Variants in FBXL17 observed in about 807,000 individuals in gnomAD.
FBXL17 encodes the protein F-box and leucine rich repeat protein 17, also known as F-box/LRR-repeat protein 17.
A neutral mutation model predicts 66.2 loss-of-function variants in FBXL17; 22 were observed. The observed-to-expected ratio is 0.33, with a 90% CI of 0.24 to 0.47. The LOEUF is 0.47. FBXL17 is among the 20% of genes least tolerant of loss of function. The pLI is 1.00. For synonymous variants in FBXL17, 474 were observed against 400.5 expected (o/e 1.18, Z -2.19); for missense variants, 878 against 948.2 (o/e 0.93, Z 0.97).
chr5:107,916,524 A>G lies in FBXL17; in HGVS notation c.1823-35345T>C, dbSNP rs138918472. 4.9e-3 allele frequency among the ~76,000 whole-genome samples: 743 copies of G among 152,368 alleles called. 3 individuals carry two copies. The highest frequency in any genetic ancestry group is 7.0e-3 in the Non-Finnish European group (476 of 68,028). On this transcript the variant is annotated intron_variant, in intron 7 of 8. Transcript: ENST00000542267. ...AACTAAATAAAGGTATTTGGAATATACAATTTCAGAAAAGGCTGTTCTTTC... is the reference window on the plus strand; with the variant it reads ...AACTAAATAAAGGTATTTGGAATATGCAATTTCAGAAAAGGCTGTTCTTTC...
intron 7 of FBXL17, among the ~76,000 whole-genome samples, chr5:107,982,174 T>C (rs1253285766): frequency 1.3e-5 from 2 of 152,174 alleles, no homozygotes; most frequent in African/African-American, 4.8e-5. Context: ...TACTCTCCAC[T>C]TAAAGTAAAA....
intron 5 of FBXL17, among the ~76,000 whole-genome samples, chr5:108,196,307 T>C (rs988170348): frequency 6.6e-6 from 1 of 152,058 alleles, no homozygotes; most frequent in African/African-American, 2.4e-5. Context: ...ATTCATTTCC[T>C]TAGTCTGTAA....
chr5:108,250,576 T>C (rs577834593), intron 4 of FBXL17, among the ~76,000 whole-genome samples: 1 of 152,158 alleles, frequency 6.6e-6, no homozygotes, highest in Admixed American at 6.5e-5. Context: ...AATATAGGAA[T>C]AAGAGTAGAG....
chr5:107,863,664 T>A (rs763880850), intron 8 of FBXL17, among the ~76,000 whole-genome samples: 9 of 152,200 alleles, frequency 5.9e-5, no homozygotes, highest in Non-Finnish European at 1.3e-4. Flanking sequence ...AGAACTATCA[T>A]GAGCCAGGAA....
chr5:108,011,282 A>G (rs1178441647), intron 7 of FBXL17, among the ~76,000 whole-genome samples: 1 of 152,226 alleles, frequency 6.6e-6, no homozygotes, highest in Non-Finnish European at 1.5e-5. Context: ...AGGTAAAACC[A>G]TAAGACAGCA....
chr5:107,946,001 GAGATTTTAA>G (rs1751266826), intron 7 of FBXL17, among the ~76,000 whole-genome samples: 1 of 151,698 alleles, frequency 6.6e-6, no homozygotes. Context: ...CATTGAAATA[GAGATTTTAA>G]AGCACACAGT....
chr5:108,085,965 T>C (rs1360613179), intron 6 of FBXL17, among the ~76,000 whole-genome samples: 1 of 152,134 alleles, frequency 6.6e-6, no homozygotes, highest in Non-Finnish European at 1.5e-5. Context: ...GGAAGAGCCT[T>C]AGAAGCAAGG....
intron 6 of FBXL17, among the ~76,000 whole-genome samples, chr5:108,054,585 C>G (rs1747613310): frequency 6.6e-6 from 1 of 152,204 alleles, no homozygotes; most frequent in African/African-American, 2.4e-5. Context: ...TGCAGCTGTG[C>G]TCCTAGTCAG....
chr5:108,330,696 C>T (rs1466288059), intron 4 of FBXL17, among the ~76,000 whole-genome samples: 1 of 152,096 alleles, frequency 6.6e-6, no homozygotes. Flanking sequence ...TACATACACA[C>T]ATACACATCA....
intron 4 of FBXL17, among the ~76,000 whole-genome samples, chr5:108,318,739 A>C (rs192005086): frequency 4.3e-4 from 65 of 152,014 alleles, no homozygotes; most frequent in African/African-American, 1.5e-3. Flanking sequence ...GTAATGACAC[A>C]ATATGATGCT....
At chr5:108,032,486 T>C (rs1746678977) in intron 6 of FBXL17, among the ~76,000 whole-genome samples, 1 of 152,066 alleles carries the variant, frequency 6.6e-6, no homozygotes, top group African/African-American at 2.4e-5. Context: ...GATTTTATCT[T>C]GGATTATCTG....
chr5:108,204,249 G>C (rs1371172871), intron 5 of FBXL17, among the ~76,000 whole-genome samples: 1 of 151,814 alleles, frequency 6.6e-6, no homozygotes, highest in African/African-American at 2.4e-5. Flanking sequence ...GATTGCAGTG[G>C]CATGATCATG....
At chr5:108,235,245 T>C (rs1755545511) in intron 4 of FBXL17, among the ~76,000 whole-genome samples, 1 of 152,194 alleles carries the variant, frequency 6.6e-6, no homozygotes, top group Non-Finnish European at 1.5e-5. Context: ...AAAATTTTCC[T>C]AGACTTCACC....
At chr5:107,952,118 A>T (rs1419761548) in intron 7 of FBXL17, among the ~76,000 whole-genome samples, 1 of 152,222 alleles carries the variant, frequency 6.6e-6, no homozygotes, top group Non-Finnish European at 1.5e-5. Flanking sequence ...CATTAAAAAA[A>T]AAACTCCTTT....
intron 6 of FBXL17, among the ~76,000 whole-genome samples, chr5:108,029,890 A>G (rs1754968516): frequency 6.6e-6 from 1 of 152,082 alleles, no homozygotes; most frequent in Non-Finnish European, 1.5e-5. Context: ...AATCTTACGT[A>G]GCTTCTCAGG....
At chr5:108,220,736 A>G (rs997146044) in intron 5 of FBXL17, among the ~76,000 whole-genome samples, 2 of 152,142 alleles carry the variant, frequency 1.3e-5, no homozygotes, top group Non-Finnish European at 2.9e-5. Flanking sequence ...TAGTCTCTTT[A>G]GTGGCAAATG....
At chr5:108,312,544 T>G (rs1017608606) in intron 4 of FBXL17, among the ~76,000 whole-genome samples, 2 of 152,046 alleles carry the variant, frequency 1.3e-5, no homozygotes, top group Non-Finnish European at 2.9e-5. Context: ...AAAAAAACTT[T>G]TATAAACCTA....
chr5:108,311,165 T>C (rs192381369), intron 4 of FBXL17, among the ~76,000 whole-genome samples: 126 of 149,966 alleles, frequency 8.4e-4, no homozygotes, highest in Non-Finnish European at 1.5e-3. Flanking sequence ...TACCTTTTTT[T>C]ATTTTTATTT....
chr5:108,130,820 A>G (rs2149976120), intron 6 of FBXL17, among the ~76,000 whole-genome samples: 1 of 152,226 alleles, frequency 6.6e-6, no homozygotes, highest in South Asian at 2.1e-4. Flanking sequence ...TGTAAGTTCA[A>G]TTAATAACAC....
Sources: allele counts gnomAD v4.1 joint callset (sites outside exome capture counted in the v4.1 genomes callset), GRCh38; gene constraint gnomAD v4.1.1; transcripts MANE v1.5; gene names NCBI Gene and HGNC (gene_info 2026-07-23, HGNC 2026-07-21).